Variants in PLEKHA5 observed in about 807,000 individuals in gnomAD.
The protein encoded by PLEKHA5 is pleckstrin homology domain-containing family A member 5.
PLEKHA5 carries 55 observed loss-of-function variants against 181.9 expected under a neutral mutation model. The ratio of observed to expected loss-of-function variants is 0.30; its 90% CI spans 0.24 to 0.38. The LOEUF (loss-of-function observed/expected upper bound fraction) is 0.38, where lower values mean the gene tolerates loss of function less well. Ranked by LOEUF, PLEKHA5 falls within the 10% of genes least tolerant of loss-of-function variation. PLEKHA5 has a pLI of 1.00. For missense variants in PLEKHA5, 1,432 were observed against 1,549.5 expected (o/e 0.92, Z 1.27); for synonymous variants, 535 against 529.4 (o/e 1.01, Z -0.15).
chr12:19,299,855 C>A (rs2080963334), intron 15 of PLEKHA5, among the ~76,000 whole-genome samples: 1 of 152,162 alleles, frequency 6.6e-6, no homozygotes, highest in South Asian at 2.1e-4. Context: ...GTCACAGACT[C>A]CTTTTGCCTT....
chr12:19,222,098 C>A (rs894286945), intron 3 of PLEKHA5, among the ~76,000 whole-genome samples: 1 of 151,960 alleles, frequency 6.6e-6, no homozygotes, highest in Non-Finnish European at 1.5e-5. Context: ...AGACCCCCGT[C>A]TCTAAAATAT....
chr12:19,308,699 T>C (rs2085081765), intron 15 of PLEKHA5, among the ~76,000 whole-genome samples: 1 of 152,122 alleles, frequency 6.6e-6, no homozygotes, highest in African/African-American at 2.4e-5. Flanking sequence ...CTCCTTATGG[T>C]CTTGTTTGTT....
Position 19,284,392 on chromosome 12 carries a change from C to A in PLEKHA5, c.1779+647C>A, listed in dbSNP as rs539137760. Among the ~76,000 whole-genome samples the A allele has an allele frequency of 5.9e-5, 9 of 152,118 alleles. No homozygotes were observed. The South Asian group carries it at 1.9e-3, about 32-fold the overall frequency. Reference sequence around the variant, plus strand: ...CCTAGACCACATTCATTTTTATTGGCTTTTTACACACTTGGAAATTCTACA... The same window carrying A: ...CCTAGACCACATTCATTTTTATTGGATTTTTACACACTTGGAAATTCTACA... On this transcript the variant is annotated intron_variant, in intron 12 of 31. Transcript: ENST00000429027.
intron 20 of PLEKHA5, among the ~76,000 whole-genome samples, chr12:19,327,119 G>C (rs2092242663): frequency 6.6e-6 from 1 of 152,130 alleles, no homozygotes; most frequent in Admixed American, 6.6e-5. Context: ...TTGGTCAAAT[G>C]GTAGTTCTGA....
chr12:19,243,988 A>G (rs2063157362), intron 3 of PLEKHA5, among the ~76,000 whole-genome samples: 1 of 152,198 alleles, frequency 6.6e-6, no homozygotes, highest in African/African-American at 2.4e-5. Context: ...CCAGATTTCA[A>G]CAGGACATTT....
chr12:19,367,912 TA>T (rs947744307), intron 30 of PLEKHA5, among the ~76,000 whole-genome samples: 2 of 151,772 alleles, frequency 1.3e-5, no homozygotes, highest in African/African-American at 4.8e-5. Context: ...AGTCCATAAG[TA>T]AAAAACCATT....
intron 3 of PLEKHA5, among the ~76,000 whole-genome samples, chr12:19,167,405 A>ATTTTTTTTTTTTT (rs56086557): frequency 3.0e-4 from 27 of 91,226 alleles, no homozygotes; most frequent in East Asian, 1.1e-3. Flanking sequence ...CTGAGGCTTA[A>ATTTTTTTTTTTTT]TTTTTTTTTT....
intron 11 of PLEKHA5, among the ~76,000 whole-genome samples, chr12:19,278,317 A>T (rs2075156960): frequency 6.6e-6 from 1 of 152,154 alleles, no homozygotes; most frequent in Non-Finnish European, 1.5e-5. Flanking sequence ...TCCAACCCAA[A>T]CATTATGAAT....
intron 10 of PLEKHA5, among the ~76,000 whole-genome samples, chr12:19,273,216 A>G (rs1445855109): frequency 6.6e-6 from 1 of 151,988 alleles, no homozygotes; most frequent in African/African-American, 2.4e-5. Flanking sequence ...GCCAACTTTT[A>G]TTTTTCAAGA....
rs928812770 is a variant in PLEKHA5 at position 19,130,217 on chromosome 12, C to A, written c.169+87C>A. The stretch of plus-strand genomic sequence containing the variant: ...CCGGCTCCCCGCAACCTGCCCCGCG[C>A]CGCGGGCCCCGGGAGGCGGCGAGGC... On this transcript the variant is annotated intron_variant, in intron 2 of 31. Coordinates refer to ENST00000429027, the MANE Select transcript of PLEKHA5 (RefSeq NM_001256470.2). This position sits in a 1 kb window ranked among gnomAD's most constrained non-coding sequence, Gnocchi z 4.5. 2.7e-6 allele frequency: 2 copies of A among 752,490 alleles called. No individual in the cohort carries two copies. Among genetic ancestry groups the A allele is most frequent in the Non-Finnish European group, 3.7e-6 (2 of 541,994 alleles). The allele number at this position is 752,490 out of a possible 1,614,324, so 46.6% of individuals were successfully genotyped here.
intron 20 of PLEKHA5, among the ~76,000 whole-genome samples, chr12:19,327,273 A>G (rs1390105952): frequency 5.1e-5 from 7 of 137,886 alleles, no homozygotes; most frequent in African/African-American, 1.6e-4. Context: ...TTACTTTTTA[A>G]TAGTAGCCAT....
intron 18 of PLEKHA5, chr12:19,321,498 G>C (rs575687625): frequency 6.7e-6 from 1 of 149,020 alleles, no homozygotes; most frequent in Non-Finnish European, 1.5e-5. Flanking sequence ...CAAATAGCTG[G>C]GATCACGGGA....
At chr12:19,240,330 G>C (rs1438212934) in intron 3 of PLEKHA5, among the ~76,000 whole-genome samples, 1 of 152,062 alleles carries the variant, frequency 6.6e-6, no homozygotes, top group Non-Finnish European at 1.5e-5. Flanking sequence ...GCAAAAGAGT[G>C]GATACTTAAA....
intron 8 of PLEKHA5, among the ~76,000 whole-genome samples, chr12:19,269,556 A>G (rs2071894430): frequency 6.6e-6 from 1 of 151,908 alleles, no homozygotes. Flanking sequence ...AACTAAAAGA[A>G]AGAGGGTAAA....
intron 15 of PLEKHA5, chr12:19,306,643 G>T: frequency 8.2e-7 from 1 of 1,226,104 alleles, no homozygotes; most frequent in South Asian, 1.2e-5. Context: ...GCGGCATCGA[G>T]GTAATAGGTG....
At chr12:19,173,535 C>T (rs1343998384) in intron 3 of PLEKHA5, among the ~76,000 whole-genome samples, 3 of 151,998 alleles carry the variant, frequency 2.0e-5, no homozygotes, top group Non-Finnish European at 2.9e-5. Context: ...TAGCTGGGAG[C>T]AGTGCTTTTT....
chr12:19,297,025 C>A (rs894228153), intron 15 of PLEKHA5, among the ~76,000 whole-genome samples: 1 of 152,076 alleles, frequency 6.6e-6, no homozygotes, highest in African/African-American at 2.4e-5. Context: ...AACCTTCCTG[C>A]CAGATTTTCA....
rs2093443096 is a variant in PLEKHA5, at chr12:19,336,622, A to G, written c.2550+6A>G. On this transcript the variant is annotated splice_donor_region_variant and intron_variant, in intron 21 of 31. Coordinates refer to ENST00000429027, the MANE Select transcript of PLEKHA5 (RefSeq NM_001256470.2). Reference sequence around the variant, plus strand: ...ATCACCTTGGTGAAGTTCAGGTACAAAAGTATAATATTCTTTATATTGTTT... The same window carrying G: ...ATCACCTTGGTGAAGTTCAGGTACAGAAGTATAATATTCTTTATATTGTTT... 6.1e-6 allele frequency: 9 copies of G among 1,471,896 alleles called. No individual in the cohort carries two copies. The highest frequency in any genetic ancestry group is 8.5e-6 in the Non-Finnish European group (9 of 1,053,070). 91.2% of individuals were successfully genotyped at this position (1,471,896 alleles called of 1,614,324 possible).
intron 3 of PLEKHA5, among the ~76,000 whole-genome samples, chr12:19,176,845 C>G (rs1244033202): frequency 6.6e-6 from 1 of 151,990 alleles, no homozygotes; most frequent in Non-Finnish European, 1.5e-5. Context: ...ATCTCATTAG[C>G]ATATGCATTA....
Sources: allele counts gnomAD v4.1 joint callset (sites outside exome capture counted in the v4.1 genomes callset), GRCh38; gene constraint gnomAD v4.1.1; non-coding constraint Gnocchi (gnomAD v3.1); transcripts MANE v1.5; gene names NCBI Gene and HGNC (gene_info 2026-07-23, HGNC 2026-07-21).